IGF2R: variants seen among roughly 807,000 people sequenced by gnomAD.
IGF2R encodes the protein insulin like growth factor 2 receptor, also known as cation-independent mannose-6-phosphate receptor.
A neutral mutation model predicts 270.6 loss-of-function variants in IGF2R; 91 were observed. The observed-to-expected ratio is 0.34, with a 90% confidence interval of 0.28 to 0.40. The LOEUF is 0.40. Ranked by LOEUF, IGF2R falls within the 10% of genes least tolerant of loss-of-function variation. IGF2R has a pLI of 1.00. For synonymous variants in IGF2R, 1,316 were observed against 1,258.9 expected (o/e 1.05, Z -0.96); for missense variants, 2,805 against 3,188.3 (o/e 0.88, Z 2.90).
chr6:160,032,922 G>A lies in IGF2R; in HGVS notation c.1046-20G>A. ...ATTCATATAAAACAAGCCTCTTCTT[G>A]TTAATTTCCCTGTTTTTAGGTTCAT... On this transcript the variant is annotated intron_variant, in intron 8 of 47. Coordinates refer to ENST00000356956, the MANE Select transcript of IGF2R (RefSeq NM_000876.4). 1 of 1,569,056 alleles carries A rather than the reference G, an allele frequency of 6.4e-7. No individual in the cohort carries two copies. The highest frequency in any genetic ancestry group is 8.7e-7 in the Non-Finnish European group (1 of 1,143,282).
In IGF2R at chr6:160,089,155, T is replaced by C. The variant is rs371699754; in HGVS notation, c.6369T>C (p.Ala2123=). Residue 2123 remains alanine (A), a synonymous_variant, in exon 43 of 48, where the codon GCT becomes GCC. Coordinates refer to ENST00000356956, the MANE Select transcript of IGF2R (RefSeq NM_000876.4). ...CTYYFSWDSR[A]ACAVKPQEVQ... ...ACTACTTCAGCTGGGACTCCCGGGC[T>C]GCCTGCGCCGTGAAGCCTCAGGAGG... 25 of 1,613,974 alleles carry C rather than the reference T, an allele frequency of 1.5e-5. No homozygotes were observed. In the Admixed American group the frequency reaches 2.3e-4, roughly 15 times the overall value.
intron 4 of IGF2R, among the ~76,000 whole-genome samples, chr6:160,024,329 C>G (rs1171297876): frequency 6.6e-6 from 1 of 152,064 alleles, no homozygotes; most frequent in Admixed American, 6.5e-5. Context: ...GAGGGAAAAC[C>G]TGGTGATGTA....
chr6:160,040,683 GGAA>G lies in IGF2R; in HGVS notation c.1444_1446del (p.Lys482del). 6.2e-7 allele frequency: 1 copy of G among 1,614,208 alleles called. No individual in the cohort carries two copies. The highest frequency in any genetic ancestry group is 8.5e-7 in the Non-Finnish European group (1 of 1,180,040). On this transcript the variant is annotated inframe_deletion, in exon 11 of 48. Transcript: ENST00000356956. ...GACCTCCTCTGCGGTGCCACCGACG[GGAA>G]GAAGCGCTATGACCTGTCCGCGCTG...
At chr6:160,082,139 T>G (rs1287645842) in intron 39 of IGF2R, among the ~76,000 whole-genome samples, 1 of 152,218 alleles carries the variant, frequency 6.6e-6, no homozygotes, top group African/African-American at 2.4e-5. Flanking sequence ...GTCCCTGACT[T>G]CCCGCAATAG....
chr6:160,046,648 A>G lies in IGF2R; in HGVS notation c.2051+3A>G, dbSNP rs921230478. On this transcript the variant is annotated splice_donor_region_variant and intron_variant, in intron 15 of 47. Transcript: ENST00000356956. Reference sequence around the variant, plus strand: ...GGAGCCTGCCAGGTGGCAAAAAGGCAAGTAGCTTCTCAGTTCTGTTTCATT... The same window carrying G: ...GGAGCCTGCCAGGTGGCAAAAAGGCGAGTAGCTTCTCAGTTCTGTTTCATT... 1 of 1,611,490 alleles carries G rather than the reference A, an allele frequency of 6.2e-7. No individual in the cohort carries two copies. Among genetic ancestry groups the G allele is most frequent in the Non-Finnish European group, 8.5e-7 (1 of 1,179,498 alleles).
At chr6:160,051,825 G>T (rs568568193) in intron 19 of IGF2R, among the ~76,000 whole-genome samples, 1 of 152,206 alleles carries the variant, frequency 6.6e-6, no homozygotes, top group South Asian at 2.1e-4. Flanking sequence ...AGCCAAGTGT[G>T]GTGGCTCATG....
intron 2 of IGF2R, chr6:160,003,906 G>A (rs1784169605): frequency 6.8e-6 from 1 of 147,586 alleles, no homozygotes; most frequent in Non-Finnish European, 1.5e-5. Flanking sequence ...CTGAGAATGT[G>A]ACACGTAAGT....
chr6:160,073,515 G>T (rs1235256887), intron 34 of IGF2R, 46 bp downstream of exon 34: 2 of 1,601,252 alleles, frequency 1.2e-6, no homozygotes, highest in Non-Finnish European at 1.7e-6. Context: ...CCAGTGCCTG[G>T]CTGCACCCGG....
intron 22 of IGF2R, 60 bp from the exon 23 acceptor site, chr6:160,060,487 T>C (rs1778411912): frequency 1.3e-6 from 2 of 1,554,990 alleles, no homozygotes; most frequent in South Asian, 2.3e-5. Flanking sequence ...GCACTGTGCT[T>C]GTGGGCTGCG....
chr6:160,044,459 T>C (rs1778023704), intron 12 of IGF2R, 55 bp from the exon 13 acceptor site: 2 of 1,242,858 alleles, frequency 1.6e-6, no homozygotes, highest in South Asian at 2.7e-5. Flanking sequence ...CTTCTTTGTC[T>C]GCGTGATGAT....
At chr6:159,980,576 G>A (rs1365028718) in intron 1 of IGF2R, among the ~76,000 whole-genome samples, 1 of 152,228 alleles carries the variant, frequency 6.6e-6, no homozygotes, top group Non-Finnish European at 1.5e-5. Flanking sequence ...TTCAAAGCAG[G>A]GGCTTTTCTC....
chr6:159,975,257 C>A (rs1583236159), intron 1 of IGF2R, among the ~76,000 whole-genome samples: 1 of 152,314 alleles, frequency 6.6e-6, no homozygotes, highest in East Asian at 1.9e-4. Flanking sequence ...CAGGAAAACA[C>A]TGATGATTAG....
In IGF2R at chr6:160,084,617, A is replaced by G. The variant is rs1779058581; in HGVS notation, c.6069-378A>G. Among the ~76,000 whole-genome samples, 1 of 152,140 alleles carries G rather than the reference A, an allele frequency of 6.6e-6. No homozygotes were observed. Among genetic ancestry groups the G allele is most frequent in the African/African-American group, 2.4e-5 (1 of 41,438 alleles). The stretch of plus-strand genomic sequence containing the variant: ...GCTTGGCCAGGTGCTCCTGCAAGAC[A>G]TCACCGAGGAGCAGGGGCATGGACT... On this transcript the variant is annotated intron_variant, in intron 40 of 47. Coordinates refer to ENST00000356956, the MANE Select transcript of IGF2R (RefSeq NM_000876.4). The surrounding 1 kb of genome is among the most constrained non-coding windows in gnomAD (Gnocchi z 4.6).
intron 39 of IGF2R, among the ~76,000 whole-genome samples, chr6:160,081,577 C>G (rs1778983074): frequency 6.6e-6 from 1 of 152,214 alleles, no homozygotes; most frequent in African/African-American, 2.4e-5. Context: ...GCTGGAATTT[C>G]CAAATCCTAG....
chr6:160,010,110 A>G (rs1784310451), intron 3 of IGF2R, among the ~76,000 whole-genome samples: 1 of 152,234 alleles, frequency 6.6e-6, no homozygotes, highest in South Asian at 2.1e-4. Context: ...CAGAAATAGA[A>G]CTGTGAAGGA....
At chr6:160,019,612 T>G (rs949839781) in intron 4 of IGF2R, among the ~76,000 whole-genome samples, 1 of 152,060 alleles carries the variant, frequency 6.6e-6, no homozygotes, top group Non-Finnish European at 1.5e-5. Flanking sequence ...AGAAAAATAA[T>G]ACATCACGAT....
At position 160,004,704 on chromosome 6, in the gene IGF2R, C is replaced by A; in HGVS notation, c.290-4306C>A. The A allele has an allele frequency of 6.5e-6, 1 of 154,348 alleles. No homozygotes were observed. The highest frequency in any genetic ancestry group is 1.4e-5 in the Non-Finnish European group (1 of 69,716). 9.6% of individuals were successfully genotyped at this position (154,348 alleles called of 1,614,324 possible). On this transcript the variant is annotated intron_variant, in intron 2 of 47. Transcript: ENST00000356956. The surrounding 1 kb of genome is among the most constrained non-coding windows in gnomAD (Gnocchi z 5.2). ...GGCCCTTGTGTGCAGCCTGGTGGTT[C>A]CTGTGAGCATGGTTTGGAGGGCCTG...
rs200122731 is a variant in IGF2R at position 160,046,518 on chromosome 6, C to T, written c.1924C>T (p.Pro642Ser). Residue 642 changes from proline (P) to serine (S), a missense_variant, in exon 15 of 48, where the codon CCT becomes TCT. Physicochemically the swap from Pro to Ser is moderately conservative, Grantham distance 74. Around this residue, in one of 2 missense-constraint regions of IGF2R, gnomAD observed 954 missense variants for 981.1 expected, o/e 0.97. Transcript: ENST00000356956. ...SQAGFSFDLSPLTKKNGAYKV... is the reference protein window; with the variant it reads ...SQAGFSFDLSSLTKKNGAYKV... ...CTTAGGGTTTTCTTTTGACTTATCA[C>T]CTCTCACAAAGAAAAATGGTGCCTA... 3.7e-6 allele frequency: 6 copies of T among 1,610,360 alleles called. No homozygotes were observed. The highest frequency in any genetic ancestry group is 5.1e-6 in the Non-Finnish European group (6 of 1,179,150).
At chr6:160,067,776 C>T (rs1778616423) in intron 29 of IGF2R, among the ~76,000 whole-genome samples, 1 of 152,166 alleles carries the variant, frequency 6.6e-6, no homozygotes, top group Non-Finnish European at 1.5e-5. Flanking sequence ...GAAAGGTCAG[C>T]AAGCCCATTT....
Sources: gnomAD v4.1 joint callset for allele counts (sites outside exome capture counted in the v4.1 genomes callset) on GRCh38, gnomAD v4.1.1 for gene constraint, gnomAD v4.1.1 regional missense constraint, Gnocchi (gnomAD v3.1) non-coding constraint, MANE v1.5 for transcripts, NCBI Gene and HGNC (gene_info 2026-07-23, HGNC 2026-07-21) for gene names.